Variants in TTN observed in about 807,000 individuals in gnomAD.
TTN encodes the protein connectin.
In TTN, 1,525 loss-of-function variants were observed where a neutral mutation model predicts 3,223.0. The observed-to-expected ratio is 0.47, with a 90% CI of 0.45 to 0.49. TTN has a LOEUF of 0.49. Among genes scored for constraint, TTN ranks in the 20% least tolerant of loss-of-function variants. TTN has a pLI of 0.00. For missense variants in TTN, 40,786 were observed against 43,424.0 expected (o/e 0.94, Z 5.40); for synonymous variants, 14,094 against 15,161.0 (o/e 0.93, Z 5.17).
rs757611872 is a variant in TTN at position 178,667,249 on chromosome 2, A to T, written c.35784T>A (p.His11928Gln). Residue 11928 changes from histidine to glutamine, a missense_variant, in exon 162 of 363, where the codon CAT becomes CAA. By Grantham distance (24) the His-to-Gln change is conservative. Transcript: ENST00000589042. ...AGAGAATTATACCTTCAGTTGGAGG[A>T]TGTTCTGGAATTTCAGGAATAGCCT... ...PPEAIPEIPE[H>Q]PPTEEFEVFK... 1.2e-6 allele frequency: 2 copies of T among 1,601,618 alleles called. No homozygotes were observed. The highest frequency in any genetic ancestry group is 1.3e-5 in the African/African-American group (1 of 74,688).
At position 178,588,684 on chromosome 2, in the gene TTN, T is replaced by C. The variant is rs746100195; in HGVS notation, c.63041A>G (p.Asn21014Ser). ...ACGTCTCTCAGGGATTGCACTCTTG[T>C]TGACAGGGACCCATCGTGTTGAATG... ...EKHSTRWVPVNKSAIPERRMK... is the reference protein window; with the variant it reads ...EKHSTRWVPVSKSAIPERRMK... Residue 21014 changes from asparagine to serine, a missense_variant, in exon 304 of 363, where the codon AAC becomes AGC. By Grantham distance (46) the Asn-to-Ser change is conservative. Coordinates refer to ENST00000589042, the MANE Select transcript of TTN (RefSeq NM_001267550.2). 2 of 1,613,166 alleles carry C rather than the reference T, an allele frequency of 1.2e-6. No individual in the cohort carries two copies. Among genetic ancestry groups the C allele is most frequent in the Admixed American group, 3.3e-5 (2 of 59,968 alleles).
rs530883294 is a variant in TTN, at chr2:178,768,110, A to G, written c.9209T>C (p.Leu3070Pro). 3 of 1,614,132 alleles carry G rather than the reference A, an allele frequency of 1.9e-6. No homozygotes were observed. In the East Asian group the frequency reaches 6.7e-5, roughly 36 times the overall value. ...FRKHIKDIKV[L>P]EKKRAMFECE... ...TTCAAACATGGCTCGCTTCTTCTCC[A>G]GTACCTTAATGTCCTTAATGTGTTT... Residue 3070 changes from leucine to proline, a missense_variant, in exon 39 of 363, where the codon CTG becomes CCG. Coordinates refer to ENST00000589042, the MANE Select transcript of TTN (RefSeq NM_001267550.2).
intron 5 of TTN, 42 bp from the exon 6 acceptor site, chr2:178,799,773 C>T (rs2093960613): frequency 6.2e-7 from 1 of 1,614,158 alleles, no homozygotes; most frequent in Non-Finnish European, 8.5e-7. Flanking sequence ...GGAGGAATAG[C>T]TGGGGACGCA....
rs765570520 is a variant in TTN at position 178,686,113 on chromosome 2, A to ATTTTTTTTTTTTTTTTTTTTT, written c.32312-536_32312-516dup. Among the ~76,000 whole-genome samples, 32 of 77,800 alleles carry ATTTTTTTTTTTTTTTTTTTTT rather than the reference A, an allele frequency of 4.1e-4. 1 individual carries two copies. The highest frequency in any genetic ancestry group is 0.01 in the Middle Eastern group (1 of 100). The allele number at this position is 77,800 out of a possible 152,430, so 51.0% of individuals were successfully genotyped here. A position where few individuals can be genotyped will look rare whatever the true frequency, so the allele number is the denominator to read the frequency against. ...TTGAGCCTAAGTGTATACAGTTTTA[A>ATTTTTTTTTTTTTTTTTTTTT]TTTTTTTTTTTTTTTTTTTTTTTTT... On this transcript the variant is annotated intron_variant, in intron 127 of 362. Coordinates refer to ENST00000589042, the MANE Select transcript of TTN (RefSeq NM_001267550.2).
At position 178,681,080 on chromosome 2, in the gene TTN, T is replaced by G; in HGVS notation, c.33339A>C (p.Lys11113Asn). 1 of 1,600,014 alleles carries G rather than the reference T, an allele frequency of 6.2e-7. No homozygotes were observed. The highest frequency in any genetic ancestry group is 8.5e-7 in the Non-Finnish European group (1 of 1,175,378). Residue 11113 changes from lysine (K) to asparagine (N), a missense_variant and splice_region_variant, in exon 138 of 363, where the codon AAA (lysine) becomes AAC (asparagine). Coordinates refer to ENST00000589042, the MANE Select transcript of TTN (RefSeq NM_001267550.2). The stretch of plus-strand genomic sequence containing the variant: ...AATCGAGGAAGGAAATCATTATACC[T>G]TTAGCAGCGGGTTCAGTCACCTGCT... ...EKEQVTEPAA[K>N]VPMKPKRVVA...
chr2:178,713,456 G>A, intron 92 of TTN, 84 bp from the exon 93 acceptor site: 2 of 1,438,884 alleles, frequency 1.4e-6, no homozygotes, highest in Non-Finnish European at 1.8e-6. Context: ...AGAGAGAACT[G>A]TCTTTTTGAT....
intron 213 of TTN, 105 bp from the exon 214 acceptor site, chr2:178,647,569 A>G: frequency 9.6e-7 from 1 of 1,045,234 alleles, no homozygotes; most frequent in Non-Finnish European, 1.4e-6. Context: ...CTTAGATTTC[A>G]TGGGGAAAAT....
Position 178,583,606 on chromosome 2 carries a change from C to G in TTN, c.65575+1G>C. On this transcript the variant is annotated splice_donor_variant, in intron 312 of 362. Coordinates refer to ENST00000589042, the MANE Select transcript of TTN (RefSeq NM_001267550.2). LOFTEE classifies it high-confidence loss of function. ...GCCTATAATACTCAGCAGAATCTTACCATTTTCTGCGAGGATAGTCACTGG... is the reference window on the plus strand; with the variant it reads ...GCCTATAATACTCAGCAGAATCTTAGCATTTTCTGCGAGGATAGTCACTGG... The G allele has an allele frequency of 6.3e-7, 1 of 1,590,822 alleles. No homozygotes were observed. The highest frequency in any genetic ancestry group is 8.6e-7 in the Non-Finnish European group (1 of 1,166,430).
Position 178,554,745 on chromosome 2 carries a change from T to G in TTN, c.88602A>C (p.Pro29534=), listed in dbSNP as rs774831878. Residue 29534 remains proline, a synonymous_variant, in exon 332 of 363, where the codon CCA becomes CCC. Coordinates refer to ENST00000589042, the MANE Select transcript of TTN (RefSeq NM_001267550.2). ...ATTCAATTGGTCCACCAGGTGGGCC[T>G]GGTTTGTCTATCAGTGAAAGGACAA... ...ATIRVQILDK[P]GPPGGPIEFK... 5.6e-6 allele frequency: 9 copies of G among 1,613,550 alleles called. No individual in the cohort carries two copies. In the East Asian group the frequency reaches 2.0e-4, roughly 36 times the overall value.
Position 178,649,299 on chromosome 2 carries a change from T to G in TTN, c.40006A>C (p.Lys13336Gln). Residue 13336 changes from lysine to glutamine, a missense_variant, in exon 213 of 363, where the codon AAG becomes CAG. Transcript: ENST00000589042. ...PEVPKKLVPV[K>Q]KEPVPVTKKP... Reference sequence around the variant, plus strand: ...TTGGTAACAGGCACAGGTTCTTTCTTTACTGGAACAAGTTTCTTGGGCACC... The same window carrying G: ...TTGGTAACAGGCACAGGTTCTTTCTGTACTGGAACAAGTTTCTTGGGCACC... The G allele has an allele frequency of 6.8e-7, 1 of 1,476,754 alleles. No homozygotes were observed. The highest frequency in any genetic ancestry group is 2.6e-5 in the East Asian group (1 of 38,102). 91.5% of individuals were successfully genotyped at this position (1,476,754 alleles called of 1,614,324 possible).
intron 330 of TTN, chr2:178,556,528 C>A (rs1701587501): frequency 6.1e-6 from 2 of 327,848 alleles, no homozygotes; most frequent in Non-Finnish European, 1.1e-5. Context: ...TCTCTAGGAA[C>A]TCAACCATGG....
At position 178,601,160 on chromosome 2, in the gene TTN, G is replaced by A. The variant is rs1213775355; in HGVS notation, c.55744C>T (p.Pro18582Ser). 1 of 1,529,190 alleles carries A rather than the reference G, an allele frequency of 6.5e-7. No individual in the cohort carries two copies. The highest frequency in any genetic ancestry group is 1.4e-5 in the African/African-American group (1 of 71,744). The allele number at this position is 1,529,190 out of a possible 1,614,324, so 94.7% of individuals were successfully genotyped here. ...AGGCCAATCTTGAGTTTAATAGGAG[G>A]ATCAGGAGGATCTGTAAAAATAATT... ...TARDPIYPPD[P>S]PIKLKIGLIT... The change falls in exon 288 of 363, where the codon CCT becomes TCT. Residue 18582 changes from proline (P) to serine (S), a missense_variant. Transcript: ENST00000589042.
intron 50 of TTN, 87 bp downstream of exon 50, chr2:178,735,424 G>T: frequency 8.0e-7 from 1 of 1,243,376 alleles, no homozygotes; most frequent in Non-Finnish European, 1.1e-6. Flanking sequence ...ATAACAAAGT[G>T]TACTGACTGA....
At position 178,780,016 on chromosome 2, in the gene TTN, G is replaced by A. The variant is rs147020824; in HGVS notation, c.3713C>T (p.Thr1238Ile). ...KMAKDTVVVR[T>I]YVEDQEFHIS... ...TATACTCACCTGATCTTCTACATAA[G>A]TTCTGACCACTACAGTATCTTTGGC... is the stretch of plus-strand genomic sequence containing the variant. Residue 1238 changes from threonine to isoleucine, a missense_variant, in exon 22 of 363, where the codon ACT becomes ATT. Physicochemically the swap from Thr to Ile is moderately conservative, Grantham distance 89. Transcript: ENST00000589042. 1.2e-6 allele frequency: 2 copies of A among 1,612,646 alleles called. No homozygotes were observed. The highest frequency in any genetic ancestry group is 2.2e-5 in the East Asian group (1 of 44,804).
rs1559352461 is a variant in TTN, at chr2:178,566,532, ATTC to A, written c.79597_79599del (p.Glu26533del). 1.9e-6 allele frequency: 3 copies of A among 1,613,428 alleles called. No individual in the cohort carries two copies. Among genetic ancestry groups the A allele is most frequent in the South Asian group, 1.1e-5 (1 of 91,080 alleles). ...CCAGTCTGTGGAGTAACTATTTGCC[ATTC>A]TTCTTCATCTGCTTTACAGATTTCT... On this transcript the variant is annotated inframe_deletion, in exon 326 of 363. Coordinates refer to ENST00000589042, the MANE Select transcript of TTN (RefSeq NM_001267550.2).
At position 178,704,594 on chromosome 2, in the gene TTN, C is replaced by T; in HGVS notation, c.29878G>A (p.Val9960Ile). The T allele has an allele frequency of 1.2e-6, 2 of 1,613,204 alleles. No individual in the cohort carries two copies. The highest frequency in any genetic ancestry group is 1.7e-6 in the Non-Finnish European group (2 of 1,179,464). The change falls in exon 105 of 363, where the codon GTC becomes ATC. Residue 9960 changes from valine to isoleucine, a missense_variant. Coordinates refer to ENST00000589042, the MANE Select transcript of TTN (RefSeq NM_001267550.2). ...SIDGDRHTLR[V>I]KNCQLKDQGN... ...TGGTCTTTAAGTTGACAGTTTTTGA[C>T]TCTGAGTGTATGTCGGTCACCATCA...
intron 47 of TTN, chr2:178,745,058 G>A: frequency 1.0e-6 from 1 of 986,902 alleles, no homozygotes; most frequent in South Asian, 4.7e-5. Flanking sequence ...ATTGGGAGAA[G>A]CTGGTTTTTG....
chr2:178,802,282 G>C lies in TTN; in HGVS notation c.151C>G (p.Leu51Val). 1 of 1,614,170 alleles carries C rather than the reference G, an allele frequency of 6.2e-7. No homozygotes were observed. Among genetic ancestry groups the C allele is most frequent in the Non-Finnish European group, 8.5e-7 (1 of 1,180,016 alleles). ...RDGQVISTST[L>V]PGVQISFSDG... ...CTAAAGGAGATCTGCACGCCGGGCA[G>C]AGTGGAAGTGGAAATCACCTGGCCA... Residue 51 changes from leucine (L) to valine (V), a missense_variant, in exon 3 of 363, where the codon CTG becomes GTG. Transcript: ENST00000589042.
rs753202914 is a variant in TTN, at chr2:178,542,363, T to C, written c.97393A>G (p.Thr32465Ala). The part of the protein sequence containing the change: ...TRSTFKFTRL[T>A]EGNEYVFRVA... ...CGGAACACATACTCATTTCCTTCGG[T>C]GAGTCTGGTAAACTTAAACGTGGAC... Residue 32465 changes from threonine to alanine, a missense_variant, in exon 349 of 363, where the codon ACC becomes GCC. Thr to Ala is a moderately conservative substitution (Grantham distance 58). Transcript: ENST00000589042. The C allele has an allele frequency of 6.2e-7, 1 of 1,613,546 alleles. No homozygotes were observed. Among genetic ancestry groups the C allele is most frequent in the Admixed American group, 1.7e-5 (1 of 60,006 alleles).
Sources: gnomAD v4.1 joint callset for allele counts (sites outside exome capture counted in the v4.1 genomes callset) on GRCh38, gnomAD v4.1.1 for gene constraint, MANE v1.5 for transcripts, NCBI Gene and HGNC (gene_info 2026-07-23, HGNC 2026-07-21) for gene names.